The following AGTPBP1 variants were observed in gnomAD, a reference collection of about 807,000 sequenced individuals.
The protein encoded by AGTPBP1 is cytosolic carboxypeptidase 1.
Under a neutral mutation model 143.9 loss-of-function variants are expected in AGTPBP1, and 70 were observed. That is an observed-to-expected ratio of 0.49 (90% CI 0.40 to 0.59). The LOEUF (loss-of-function observed/expected upper bound fraction) is 0.59, where lower values mean the gene tolerates loss of function less well. Ranked by LOEUF, AGTPBP1 falls within the 20% of genes least tolerant of loss-of-function variation. The probability of loss-of-function intolerance (pLI) is 0.00; values close to 1 mark genes in which losing one functional copy is unlikely to be tolerated. For synonymous variants in AGTPBP1, 463 were observed against 500.2 expected, an observed-to-expected ratio of 0.93 and a Z score of 0.99; for missense variants, 1,229 against 1,464.5, an observed-to-expected ratio of 0.84 and a Z score of 2.62.
intron 1 of AGTPBP1, among the ~76,000 whole-genome samples, chr9:85,740,377 G>C (rs752195869): frequency 1.5e-4 from 23 of 152,190 alleles, no homozygotes; most frequent in Non-Finnish European, 2.9e-4. Context: ...ATGGGAAAAA[G>C]AGCAAGTCAT....
intron 9 of AGTPBP1, among the ~76,000 whole-genome samples, chr9:85,660,123 G>A (rs1161913360): frequency 6.6e-6 from 1 of 151,856 alleles, no homozygotes; most frequent in Non-Finnish European, 1.5e-5. Flanking sequence ...AAATGTAGGG[G>A]CAAGTTGGTC....
At chr9:85,586,221 A>T (rs971551898) in intron 22 of AGTPBP1, among the ~76,000 whole-genome samples, 8 of 151,734 alleles carry the variant, frequency 5.3e-5, no homozygotes, top group African/African-American at 1.9e-4. Context: ...AAAAAAAAAA[A>T]TTAAAAACAA....
chr9:85,577,694 T>A (rs147572845), intron 24 of AGTPBP1, among the ~76,000 whole-genome samples: 1 of 152,170 alleles, frequency 6.6e-6, no homozygotes, highest in Non-Finnish European at 1.5e-5. Flanking sequence ...ACTACTACTA[T>A]TCTTATTTAA....
In AGTPBP1 at chr9:85,730,638, C is replaced by T. The variant is rs574167369; in HGVS notation, c.-34+11137G>A. Among the ~76,000 whole-genome samples the T allele has an allele frequency of 2.6e-5, 4 of 152,268 alleles. No individual in the cohort carries two copies. The South Asian group carries it at 8.3e-4, about 32-fold the overall frequency. On this transcript the variant is annotated intron_variant, in intron 1 of 25. Coordinates refer to ENST00000357081, the MANE Select transcript of AGTPBP1 (RefSeq NM_001330701.2). ...TAAGGGGTAAATTTCCAGCAAATGC[C>T]ACTAGTGCTGTACCATAGCTTGAAC... is the stretch of plus-strand genomic sequence containing the variant.
At chr9:85,640,619 G>A (rs1419455684) in intron 13 of AGTPBP1, among the ~76,000 whole-genome samples, 2 of 152,190 alleles carry the variant, frequency 1.3e-5, no homozygotes, top group African/African-American at 4.8e-5. Flanking sequence ...CCAAACTAAT[G>A]GACAAGTTGG....
At chr9:85,626,510 A>G (rs569020051) in intron 14 of AGTPBP1, among the ~76,000 whole-genome samples, 1 of 152,380 alleles carries the variant, frequency 6.6e-6, no homozygotes, top group East Asian at 1.9e-4. Context: ...TTGCTCAAAC[A>G]TAAGATGCAG....
intron 1 of AGTPBP1, among the ~76,000 whole-genome samples, chr9:85,720,622 T>C (rs948000650): frequency 1.3e-5 from 2 of 152,130 alleles, no homozygotes; most frequent in African/African-American, 2.4e-5. Flanking sequence ...CCTGGATTCA[T>C]TGATTTTTTT....
intron 2 of AGTPBP1, among the ~76,000 whole-genome samples, chr9:85,709,139 G>A (rs1837204822): frequency 6.6e-6 from 1 of 152,102 alleles, no homozygotes; most frequent in Non-Finnish European, 1.5e-5. Flanking sequence ...GACCAAGTAA[G>A]ATCAATCACA....
the AGTPBP1 span, among the ~76,000 whole-genome samples, chr9:85,769,432 T>C: frequency 6.7e-6 from 1 of 148,456 alleles, no homozygotes; most frequent in Admixed American, 6.9e-5. Flanking sequence ...GTGCCTGTAG[T>C]CCCAGCTACT....
At chr9:85,800,413 C>G in the AGTPBP1 span, among the ~76,000 whole-genome samples, 1 of 152,166 alleles carries the variant, frequency 6.6e-6, no homozygotes, top group Non-Finnish European at 1.5e-5. Context: ...TGCCTTCTCC[C>G]AAAAGCTGAA....
At chr9:85,569,467 G>T (rs953201772) in intron 25 of AGTPBP1, among the ~76,000 whole-genome samples, 1 of 152,096 alleles carries the variant, frequency 6.6e-6, no homozygotes, top group Admixed American at 6.5e-5. Context: ...AACCTGTATT[G>T]GGTGGGGGGA....
Position 85,678,401 on chromosome 9 carries a change from GAAAT to G in AGTPBP1, c.226-7_226-4del. 2.6e-6 allele frequency: 4 copies of G among 1,557,746 alleles called. No homozygotes were observed. The highest frequency in any genetic ancestry group is 2.3e-5 in the East Asian group (1 of 43,494). On this transcript the variant is annotated splice_polypyrimidine_tract_variant and splice_region_variant and intron_variant, in intron 4 of 25. Transcript: ENST00000357081. ...GTAGTTTGAAGATCTTTTGTGTTCTGAAATAAATAGTTTGTTTTATTAAAACATT... is the reference window on the plus strand; with the variant it reads ...GTAGTTTGAAGATCTTTTGTGTTCTGAAATAGTTTGTTTTATTAAAACATT...
chr9:85,741,921 A>T lies in AGTPBP1; in HGVS notation c.-180T>A, dbSNP rs1400051381. 7.6e-7 allele frequency: 1 copy of T among 1,310,704 alleles called. No homozygotes were observed. The highest frequency in any genetic ancestry group is 3.1e-5 in the East Asian group (1 of 31,902). The allele number at this position is 1,310,704 out of a possible 1,614,324, so 81.2% of individuals were successfully genotyped here. A position where few individuals can be genotyped will look rare whatever the true frequency, so the allele number is the denominator to read the frequency against. ...GCGAGGCGGAGGCGGCGGCGGCGGC[A>T]GCTGCGGCGGCGGCGCTGGAGGCGG... On this transcript the variant is annotated 5_prime_UTR_variant, in exon 1 of 26. Transcript: ENST00000357081.
intron 2 of AGTPBP1, among the ~76,000 whole-genome samples, chr9:85,693,270 T>C (rs1836000503): frequency 6.6e-6 from 1 of 152,106 alleles, no homozygotes; most frequent in Non-Finnish European, 1.5e-5. Context: ...ATCCTCCACC[T>C]ATGTTCTTTC....
intron 4 of AGTPBP1, among the ~76,000 whole-genome samples, chr9:85,680,869 A>T (rs557486954): frequency 2.5e-4 from 38 of 152,334 alleles, no homozygotes; most frequent in African/African-American, 8.2e-4. Context: ...TAAAATCACA[A>T]ATGTATATCA....
At chr9:85,634,261 G>C (rs1831887340) in intron 13 of AGTPBP1, among the ~76,000 whole-genome samples, 1 of 149,508 alleles carries the variant, frequency 6.7e-6, no homozygotes, top group Non-Finnish European at 1.5e-5. Context: ...GGAGTACCAA[G>C]AGAGCAGAGG....
At chr9:85,658,614 C>T (rs1254814808) in intron 9 of AGTPBP1, among the ~76,000 whole-genome samples, 1 of 152,078 alleles carries the variant, frequency 6.6e-6, no homozygotes, top group Non-Finnish European at 1.5e-5. Flanking sequence ...AAAATACCCA[C>T]CAGGTTCACA....
At chr9:85,754,465 A>G in the AGTPBP1 span, among the ~76,000 whole-genome samples, 1 of 152,212 alleles carries the variant, frequency 6.6e-6, no homozygotes, top group Non-Finnish European at 1.5e-5. Flanking sequence ...TACAGGTGTG[A>G]GCCACCGCGC....
intron 25 of AGTPBP1, among the ~76,000 whole-genome samples, chr9:85,568,957 C>T (rs1479347348): frequency 6.6e-6 from 1 of 151,924 alleles, no homozygotes; most frequent in African/African-American, 2.4e-5. Flanking sequence ...ATCCACAGGT[C>T]TGGGAGATTG....
Sources: allele counts gnomAD v4.1 joint callset (sites outside exome capture counted in the v4.1 genomes callset), GRCh38; gene constraint gnomAD v4.1.1; transcripts MANE v1.5; gene names NCBI Gene and HGNC (gene_info 2026-07-23, HGNC 2026-07-21).